The following HEATR5B variants were observed in gnomAD, a reference collection of about 807,000 sequenced individuals.
HEATR5B encodes the protein HEAT repeat containing 5B.
A neutral mutation model predicts 224.1 loss-of-function variants in HEATR5B; 156 were observed. The ratio of observed to expected loss-of-function variants is 0.70; its 90% CI spans 0.61 to 0.80. The LOEUF is 0.80. Among genes scored for constraint, HEATR5B ranks in the 30% least tolerant of loss-of-function variants. HEATR5B has a pLI of 0.00. For synonymous variants in HEATR5B, 1,027 were observed against 893.0 expected (o/e 1.15, Z -2.68); for missense variants, 2,323 against 2,535.5 (o/e 0.92, Z 1.80).
intron 15 of HEATR5B, 75 bp downstream of exon 15, chr2:37,057,242 T>A: frequency 8.6e-7 from 1 of 1,158,912 alleles, no homozygotes; most frequent in Admixed American, 2.8e-5. Context: ...CACTATTTTC[T>A]TTTTAAGTGA....
At chr2:37,042,889 CAAA>C (rs373043531) in intron 18 of HEATR5B, among the ~76,000 whole-genome samples, 1 of 80,702 alleles carries the variant, frequency 1.2e-5, no homozygotes, top group African/African-American at 5.7e-5. Context: ...GACTCTGTCT[CAAA>C]AAAAAAAAAA....
intron 22 of HEATR5B, among the ~76,000 whole-genome samples, chr2:37,030,759 T>A (rs564271526): frequency 6.6e-6 from 1 of 152,366 alleles, no homozygotes; most frequent in East Asian, 1.9e-4. Flanking sequence ...TAAAGATATT[T>A]GTTATTTCTT....
At chr2:37,072,717 T>A (rs1296402146) in intron 5 of HEATR5B, among the ~76,000 whole-genome samples, 1 of 151,438 alleles carries the variant, frequency 6.6e-6, no homozygotes, top group East Asian at 1.9e-4. Flanking sequence ...TTAAGAAGAC[T>A]AATAAATTTG....
chr2:37,030,626 A>G (rs963003534), intron 22 of HEATR5B, among the ~76,000 whole-genome samples: 2 of 152,244 alleles, frequency 1.3e-5, no homozygotes, highest in Non-Finnish European at 2.9e-5. Flanking sequence ...TAGTACAAGA[A>G]ATATCTATTC....
In HEATR5B at chr2:37,000,811, A is replaced by T. The variant is rs113044824; in HGVS notation, c.5320T>A (p.Cys1774Ser). Residue 1774 changes from cysteine to serine, a missense_variant and splice_region_variant, in exon 33 of 36, where the codon TGT (cysteine) becomes AGT (serine). Cys to Ser is a moderately radical substitution (Grantham distance 112). Coordinates refer to ENST00000233099, the MANE Select transcript of HEATR5B (RefSeq NM_019024.3). The part of the protein sequence containing the change: ...DLPSLCSPAG[C>S]MTILPTILFL... ...AGAATTGTGGGCAGGATTGTCATAC[A>T]TCCTGAAAGAAAAACAAATCAGATC... is the stretch of plus-strand genomic sequence containing the variant. 1.9e-6 allele frequency: 3 copies of T among 1,602,578 alleles called. No homozygotes were observed. In the East Asian group the frequency reaches 6.7e-5, roughly 36 times the overall value.
In HEATR5B at chr2:37,037,842, G is replaced by C. The variant is rs1354594790; in HGVS notation, c.3216+13C>G. On this transcript the variant is annotated intron_variant, in intron 21 of 35. Transcript: ENST00000233099. ...AACTTAAAAATCAATGAATGAAATA[G>C]CTCTATACTTACACAAAGGCTAGGA... 2.7e-6 allele frequency: 4 copies of C among 1,499,116 alleles called. No individual in the cohort carries two copies. The highest frequency in any genetic ancestry group is 4.4e-5 in the Admixed American group (2 of 45,828). The allele number at this position is 1,499,116 out of a possible 1,614,324, so 92.9% of individuals were successfully genotyped here.
chr2:37,013,467 T>C (rs1367081126), intron 27 of HEATR5B, among the ~76,000 whole-genome samples: 1 of 152,194 alleles, frequency 6.6e-6, no homozygotes, highest in African/African-American at 2.4e-5. Flanking sequence ...GGAGGACTGT[T>C]TGGGCCCAGA....
intron 17 of HEATR5B, among the ~76,000 whole-genome samples, chr2:37,050,629 A>T (rs1224831611): frequency 6.6e-6 from 1 of 152,246 alleles, no homozygotes; most frequent in Non-Finnish European, 1.5e-5. Flanking sequence ...AAATATTTGG[A>T]AAGAGGATAT....
intron 24 of HEATR5B, among the ~76,000 whole-genome samples, chr2:37,024,726 C>A (rs746175945): frequency 1.3e-5 from 2 of 152,078 alleles, no homozygotes; most frequent in Non-Finnish European, 2.9e-5. Context: ...AATAAAAAGA[C>A]CTATTATTTC....
intron 27 of HEATR5B, among the ~76,000 whole-genome samples, chr2:37,010,607 G>A (rs1332565451): frequency 2.0e-5 from 3 of 151,454 alleles, no homozygotes; most frequent in East Asian, 1.9e-4. Context: ...TCCACCTCCC[G>A]GGTTCAAGTG....
chr2:37,046,107 T>C (rs1028609023), intron 18 of HEATR5B, among the ~76,000 whole-genome samples: 1 of 152,136 alleles, frequency 6.6e-6, no homozygotes, highest in East Asian at 1.9e-4. Flanking sequence ...TTTTGAACAA[T>C]GGAAAGGATC....
At chr2:37,012,006 A>G (rs533429103) in intron 27 of HEATR5B, among the ~76,000 whole-genome samples, 105 of 152,326 alleles carry the variant, frequency 6.9e-4, no homozygotes, top group Non-Finnish European at 5.6e-4. Flanking sequence ...ATATGAGAAT[A>G]TATCTTTCAG....
At chr2:36,984,602 A>G (rs1668462449) in intron 35 of HEATR5B, among the ~76,000 whole-genome samples, 1 of 152,132 alleles carries the variant, frequency 6.6e-6, no homozygotes, top group South Asian at 2.1e-4. Context: ...AAAATAAGAG[A>G]AAAAACAACT....
At chr2:37,061,618 T>TCA (rs1415910171) in intron 11 of HEATR5B, among the ~76,000 whole-genome samples, 1 of 152,184 alleles carries the variant, frequency 6.6e-6, no homozygotes, top group Admixed American at 6.5e-5. Context: ...TCTTCTAAAA[T>TCA]CACACTGCTG....
chr2:36,999,604 G>T (rs1280472858), intron 33 of HEATR5B, among the ~76,000 whole-genome samples: 1 of 151,980 alleles, frequency 6.6e-6, no homozygotes, highest in African/African-American at 2.4e-5. Context: ...ACTTGAATCT[G>T]GGAGGCAAAG....
At chr2:37,065,949 G>T (rs1421440997) in intron 8 of HEATR5B, 39 bp from the exon 9 acceptor site, 5 of 1,564,436 alleles carry the variant, frequency 3.2e-6, no homozygotes, top group South Asian at 1.2e-5. Flanking sequence ...TAGGAGAAAT[G>T]AATTGTGGTA....
intron 18 of HEATR5B, among the ~76,000 whole-genome samples, chr2:37,048,706 T>C (rs142879464): frequency 7.6e-4 from 115 of 152,294 alleles, no homozygotes; most frequent in African/African-American, 2.5e-3. Context: ...TGCTAGAAAA[T>C]AGCAGCAATC....
rs749020647 is a variant in HEATR5B, at chr2:37,008,769, T to A, written c.4364A>T (p.Asp1455Val). 6.2e-7 allele frequency: 1 copy of A among 1,614,030 alleles called. No homozygotes were observed. Among genetic ancestry groups the A allele is most frequent in the Non-Finnish European group, 8.5e-7 (1 of 1,179,976 alleles). Reference protein sequence around the residue: ...KRAIKNTDDDDDDCGTIDELP... With the variant: ...KRAIKNTDDDVDDCGTIDELP... Reference sequence around the variant, plus strand: ...TTCATCGATGGTACCACAGTCGTCATCATCATCGTCAGTATTTTTAATTGC... The same window carrying A: ...TTCATCGATGGTACCACAGTCGTCAACATCATCGTCAGTATTTTTAATTGC... The change falls in exon 28 of 36, where the codon GAT (aspartate) becomes GTT (valine). Residue 1455 changes from aspartate (D) to valine (V), a missense_variant. This residue lies in a region of HEATR5B where 844 missense variants were observed against 812.9 expected (regional missense o/e 1.04). Transcript: ENST00000233099.
chr2:37,070,911 G>C (rs1343003497), intron 6 of HEATR5B, among the ~76,000 whole-genome samples: 3 of 152,180 alleles, frequency 2.0e-5, no homozygotes, highest in African/African-American at 7.2e-5. Context: ...AAAGCTCATG[G>C]CTAAGAATTC....
Sources: gnomAD v4.1 joint callset for allele counts (sites outside exome capture counted in the v4.1 genomes callset) on GRCh38, gnomAD v4.1.1 for gene constraint, gnomAD v4.1.1 regional missense constraint, MANE v1.5 for transcripts, NCBI Gene and HGNC (gene_info 2026-07-23, HGNC 2026-07-21) for gene names.